HEATR6: variants seen among roughly 807,000 people sequenced by gnomAD.
The protein encoded by HEATR6 is HEAT repeat-containing protein 6.
A neutral mutation model predicts 132.8 loss-of-function variants in HEATR6; 106 were observed. The ratio of observed to expected loss-of-function variants is 0.80; its 90% CI spans 0.68 to 0.94. HEATR6 has a LOEUF of 0.94. HEATR6 is among the 40% of genes least tolerant of loss of function. The pLI is 0.00. For synonymous variants in HEATR6, 529 were observed against 537.8 expected, an observed-to-expected ratio of 0.98 and a Z score of 0.23; for missense variants, 1,339 against 1,425.1, an observed-to-expected ratio of 0.94 and a Z score of 0.97.
At chr17:60,071,157 G>GTAATATGGCAAACC (rs2083268182) in intron 5 of HEATR6, among the ~76,000 whole-genome samples, 1 of 152,184 alleles carries the variant, frequency 6.6e-6, no homozygotes, top group African/African-American at 2.4e-5. Flanking sequence ...GGAAAGCTCT[G>GTAATATGGCAAACC]TAATATGGCA....
chr17:60,069,815 T>G lies in HEATR6; in HGVS notation c.835A>C (p.Ile279Leu). Residue 279 changes from isoleucine (I) to leucine (L), a missense_variant, in exon 7 of 20, where the codon ATA (isoleucine) becomes CTA (leucine). Ile to Leu is a conservative substitution (Grantham distance 5). Transcript: ENST00000184956. ...FMFHGLPGLN[I>L]EMPTVLYPTP... is the part of the protein sequence containing the mutation. ...GGGTATAACACCGTGGGCATCTCTATGTTTAGTCCAGGGAGTCCGTGAAAC... is the reference window on the plus strand; with the variant it reads ...GGGTATAACACCGTGGGCATCTCTAGGTTTAGTCCAGGGAGTCCGTGAAAC... The G allele has an allele frequency of 6.2e-7, 1 of 1,614,108 alleles. No homozygotes were observed. Among genetic ancestry groups the G allele is most frequent in the Non-Finnish European group, 8.5e-7 (1 of 1,180,028 alleles).
chr17:60,041,316 T>C lies in HEATR6; in HGVS notation c.*2247A>G, dbSNP rs1906166284. ...TAAAAAGAAAATGAATGGGATTTTA[T>C]TCAAGATAAGGAAAGGATAAGAGTG... On this transcript the variant is annotated 3_prime_UTR_variant, in exon 20 of 20. Coordinates refer to ENST00000184956, the MANE Select transcript of HEATR6 (RefSeq NM_022070.5). Among the ~76,000 whole-genome samples the C allele has an allele frequency of 6.6e-6, 1 of 152,224 alleles. No homozygotes were observed. The highest frequency in any genetic ancestry group is 1.5e-5 in the Non-Finnish European group (1 of 68,044).
intron 6 of HEATR6, among the ~76,000 whole-genome samples, chr17:60,070,367 C>A (rs1031108143): frequency 7.2e-5 from 11 of 152,050 alleles, no homozygotes; most frequent in Admixed American, 1.3e-4. Context: ...GGCCTGTCTA[C>A]TACTTGGAGG....
intron 7 of HEATR6, among the ~76,000 whole-genome samples, chr17:60,069,224 T>C (rs1190293255): frequency 1.3e-5 from 2 of 152,250 alleles, no homozygotes; most frequent in South Asian, 4.1e-4. Flanking sequence ...TAGAGTGGGG[T>C]TGGCAAATTA....
intron 11 of HEATR6, among the ~76,000 whole-genome samples, chr17:60,057,761 A>G (rs947021168): frequency 6.6e-6 from 1 of 152,228 alleles, no homozygotes; most frequent in Admixed American, 6.5e-5. Flanking sequence ...ACTAAATGCA[A>G]TGCATGTACC....
Position 60,048,386 on chromosome 17 carries a change from A to C in HEATR6, c.2550T>G (p.Asp850Glu). 6.2e-7 allele frequency: 1 copy of C among 1,611,384 alleles called. No individual in the cohort carries two copies. Among genetic ancestry groups the C allele is most frequent in the Non-Finnish European group, 8.5e-7 (1 of 1,178,058 alleles). Residue 850 changes from aspartate (D) to glutamate (E), a missense_variant and splice_region_variant, in exon 17 of 20, where the codon GAT becomes GAG. Physicochemically the swap from Asp to Glu is conservative, Grantham distance 45 (BLOSUM62 2). Transcript: ENST00000184956. ...TTGCTGCGTCTGCAACAAATATGACATCCTGTAACACAAAACAAAACACTG... is the reference window on the plus strand; with the variant it reads ...TTGCTGCGTCTGCAACAAATATGACCTCCTGTAACACAAAACAAAACACTG... ...VYVLFPCLRQ[D>E]VIFVADAANA...
Position 60,056,084 on chromosome 17 carries a change from G to C in HEATR6, c.2202+31C>G, listed in dbSNP as rs373958523. 2.1e-5 allele frequency: 33 copies of C among 1,609,696 alleles called. No homozygotes were observed. In the African/African-American group the frequency reaches 3.5e-4, roughly 17 times the overall value. ...AGGAAGGATATAAAGTGAAGAGAAG[G>C]AAAAAGCATTGTGGTTTTGATGAAA... On this transcript the variant is annotated intron_variant, in intron 13 of 19. Transcript: ENST00000184956.
intron 8 of HEATR6, 141 bp downstream of exon 8, chr17:60,067,293 G>C: frequency 3.1e-6 from 1 of 317,606 alleles, no homozygotes; most frequent in Non-Finnish European, 5.6e-6. Context: ...AAAAAAAAGA[G>C]AACAAGTCAT....
chr17:60,046,407 C>CTT (rs1231846570), intron 18 of HEATR6, among the ~76,000 whole-genome samples, 178 bp from the exon 19 acceptor site: 1 of 152,168 alleles, frequency 6.6e-6, no homozygotes, highest in Non-Finnish European at 1.5e-5. Flanking sequence ...TTCTACAGAA[C>CTT]TCCTCTCTCT....
chr17:60,056,222 C>A lies in HEATR6; in HGVS notation c.2095G>T (p.Ala699Ser). The A allele has an allele frequency of 6.2e-7, 1 of 1,613,742 alleles. No individual in the cohort carries two copies. The highest frequency in any genetic ancestry group is 8.5e-7 in the Non-Finnish European group (1 of 1,179,848). ...TGAGTCATTGAAAAGTAGCCCCTTG[C>A]CAGAAGAGTCAATACCTGCAAAGAG... ...LEALQVLTLL[A>S]RGYFSMTQAY... The change falls in exon 13 of 20, where the codon GCA (alanine) becomes TCA (serine). Residue 699 changes from alanine (A) to serine (S), a missense_variant. Coordinates refer to ENST00000184956, the MANE Select transcript of HEATR6 (RefSeq NM_022070.5).
intron 14 of HEATR6, 45 bp downstream of exon 14, chr17:60,055,470 A>G (rs1410887183): frequency 2.3e-6 from 3 of 1,302,732 alleles, no homozygotes; most frequent in Non-Finnish European, 3.3e-6. Flanking sequence ...TAAAACTGCA[A>G]CTGAAGCATT....
chr17:60,069,631 G>A, intron 7 of HEATR6, 80 bp downstream of exon 7: 1 of 1,351,234 alleles, frequency 7.4e-7, no homozygotes, highest in Non-Finnish European at 1.1e-6. Context: ...TAGGGTAGTA[G>A]TGATGCAAAT....
intron 2 of HEATR6, among the ~76,000 whole-genome samples, chr17:60,075,258 C>A (rs1055948247): frequency 6.6e-6 from 1 of 152,166 alleles, no homozygotes; most frequent in Non-Finnish European, 1.5e-5. Flanking sequence ...CTGAGGATAA[C>A]CCACATGCTG....
At chr17:60,061,339 T>C (rs556233905) in intron 9 of HEATR6, among the ~76,000 whole-genome samples, 3 of 152,282 alleles carry the variant, frequency 2.0e-5, no homozygotes, top group African/African-American at 7.2e-5. Context: ...GAAGAGAAAT[T>C]TGAAGTACAG....
At chr17:60,069,442 C>T (rs1294388963) in intron 7 of HEATR6, among the ~76,000 whole-genome samples, 1 of 152,186 alleles carries the variant, frequency 6.6e-6, no homozygotes, top group African/African-American at 2.4e-5. Context: ...TGGTCTTGAG[C>T]ATCATGGGGA....
At chr17:60,074,771 T>C (rs575692263) in intron 2 of HEATR6, among the ~76,000 whole-genome samples, 3 of 152,294 alleles carry the variant, frequency 2.0e-5, no homozygotes, top group South Asian at 4.2e-4. Context: ...ACTGTCACAA[T>C]TGGAGAGGTG....
rs564565373 is a variant in HEATR6 at position 60,042,086 on chromosome 17, T to C, written c.*1477A>G. On this transcript the variant is annotated 3_prime_UTR_variant, in exon 20 of 20. Transcript: ENST00000184956. Reference sequence around the variant, plus strand: ...TTGGAAACCCCTCTTTGTAACCAACTAACCAAATGATCTTTTCTTAAAGGC... The same window carrying C: ...TTGGAAACCCCTCTTTGTAACCAACCAACCAAATGATCTTTTCTTAAAGGC... 6.6e-6 allele frequency among the ~76,000 whole-genome samples: 1 copy of C among 152,350 alleles called. No individual in the cohort carries two copies. Among genetic ancestry groups the C allele is most frequent in the Admixed American group, 6.5e-5 (1 of 15,308 alleles).
chr17:60,064,684 C>A (rs1156921008), intron 9 of HEATR6: 1 of 151,582 alleles, frequency 6.6e-6, no homozygotes, highest in Non-Finnish European at 1.5e-5. Context: ...CTCAGCACAT[C>A]TCTTGCATTC....
intron 19 of HEATR6, among the ~76,000 whole-genome samples, chr17:60,045,403 G>C (rs1008104539): frequency 2.0e-4 from 31 of 152,194 alleles, no homozygotes; most frequent in African/African-American, 7.5e-4. Flanking sequence ...AAGTGAGCGA[G>C]GTTTGGAGGC....
Sources: gnomAD v4.1 joint callset for allele counts (sites outside exome capture counted in the v4.1 genomes callset) on GRCh38, gnomAD v4.1.1 for gene constraint, MANE v1.5 for transcripts, NCBI Gene and HGNC (gene_info 2026-07-23, HGNC 2026-07-21) for gene names.